PIGT: variants seen among roughly 807,000 people sequenced by gnomAD.
PIGT encodes the protein phosphatidylinositol glycan anchor biosynthesis class T, also known as GPI-anchor transamidase component PIGT.
PIGT carries 57 observed loss-of-function variants against 66.7 expected under a neutral mutation model. That is an observed-to-expected ratio of 0.86 (90% CI 0.69 to 1.07). The LOEUF is 1.07. Among genes scored for constraint, PIGT ranks in the 50% least tolerant of loss-of-function variants. The pLI, the probability that PIGT is intolerant of heterozygous loss-of-function variation, is 0.00. For missense variants in PIGT, 725 were observed against 740.4 expected, an observed-to-expected ratio of 0.98 and a Z score of 0.24; for synonymous variants, 362 against 320.5, an observed-to-expected ratio of 1.13 and a Z score of -1.38.
chr20:45,418,927 C>T lies in PIGT; in HGVS notation c.441C>T (p.Ser147=), dbSNP rs1472534179. ...IFCASLNFID[S]TNTVTPTASF... ...GCGCCTCTCTCAACTTCATCGACTC[C>T]ACCAACACAGTCACTCCCACTGCCT... is the stretch of plus-strand genomic sequence containing the variant. The change falls in exon 3 of 12, where the codon TCC becomes TCT. Residue 147 remains serine (S), a synonymous_variant. Coordinates refer to ENST00000279036, the MANE Select transcript of PIGT (RefSeq NM_015937.6). 1 of 1,613,996 alleles carries T rather than the reference C, an allele frequency of 6.2e-7. No homozygotes were observed. Among genetic ancestry groups the T allele is most frequent in the African/African-American group, 1.3e-5 (1 of 74,912 alleles).
rs1209583269 is a variant in PIGT at position 45,425,836 on chromosome 20, T to G, written c.*10T>G. 1 of 1,608,460 alleles carries G rather than the reference T, an allele frequency of 6.2e-7. No individual in the cohort carries two copies. The highest frequency in any genetic ancestry group is 1.1e-5 in the South Asian group (1 of 90,900). ...TGTCCCCCCACTCTGATTCTTGCCC[T>G]TTCCAGCAGCTGCAGCTGCCGTTTC... On this transcript the variant is annotated 3_prime_UTR_variant, in exon 12 of 12. Transcript: ENST00000279036.
At chr20:45,417,824 A>G (rs1990080601) in intron 2 of PIGT, 2 of 152,208 alleles carry the variant, frequency 1.3e-5, no homozygotes, top group African/African-American at 4.8e-5. Context: ...GGATTGGAGC[A>G]GTTGAAAAGC....
Position 45,416,690 on chromosome 20 carries a change from A to G in PIGT, c.361A>G (p.Thr121Ala), listed in dbSNP as rs1317530211. ...GTGGGTCTGGTTCCAAGACACTGTC[A>G]CTGAGTGAGTGCACACCTTGGGCCC... Reference protein sequence around the residue: ...ELWVWFQDTVTDVDKSWKELS... With the variant: ...ELWVWFQDTVADVDKSWKELS... The change falls in exon 2 of 12, where the codon ACT becomes GCT. Residue 121 changes from threonine to alanine, a missense_variant. Transcript: ENST00000279036. 1 of 1,612,316 alleles carries G rather than the reference A, an allele frequency of 6.2e-7. No homozygotes were observed. The highest frequency in any genetic ancestry group is 2.2e-5 in the East Asian group (1 of 44,864).
Position 45,419,355 on chromosome 20 carries a change from A to ACC in PIGT, c.555_556dup (p.Leu186ProfsTer21). On this transcript the variant is annotated frameshift_variant, in exon 4 of 12. Transcript: ENST00000279036. LOFTEE classifies it high-confidence loss of function. ...CCGCGGGAGGTGGTCTGCACCGAAAACCTCACCCCCTGGAAGAAGCTCTTG... is the reference window on the plus strand; with the variant it reads ...CCGCGGGAGGTGGTCTGCACCGAAAACCCCTCACCCCCTGGAAGAAGCTCTTG... The ACC allele has an allele frequency of 6.2e-7, 1 of 1,613,634 alleles. No homozygotes were observed. Among genetic ancestry groups the ACC allele is most frequent in the South Asian group, 1.1e-5 (1 of 91,042 alleles).
chr20:45,418,712 G>A (rs1360751835), intron 2 of PIGT, 140 bp from the exon 3 acceptor site: 1 of 1,053,500 alleles, frequency 9.5e-7, no homozygotes, highest in Non-Finnish European at 1.4e-6. Context: ...GGGCAGCAAT[G>A]TTCCAGCTCC....
chr20:45,417,875 G>A (rs1034539007), intron 2 of PIGT: 31 of 152,132 alleles, frequency 2.0e-4, no homozygotes, highest in African/African-American at 7.2e-4. Context: ...ACAACACTAA[G>A]GAATAAGGAA....
rs1990366229 is a variant in PIGT, at chr20:45,421,523, T to C, written c.1174T>C (p.Tyr392His). The change falls in exon 9 of 12, where the codon TAT becomes CAT. Residue 392 changes from tyrosine (Y) to histidine (H), a missense_variant. Physicochemically the swap from Tyr to His is moderately conservative, Grantham distance 83 (BLOSUM62 2). Coordinates refer to ENST00000279036, the MANE Select transcript of PIGT (RefSeq NM_015937.6). ...GCTGCTGCTGGACACCGTACCCTGGTATCTGCGGCTGTATGTGCACACCCT... is the reference window on the plus strand; with the variant it reads ...GCTGCTGCTGGACACCGTACCCTGGCATCTGCGGCTGTATGTGCACACCCT... ...PVLLLDTVPW[Y>H]LRLYVHTLTI... 6.2e-7 allele frequency: 1 copy of C among 1,614,004 alleles called. No homozygotes were observed. The highest frequency in any genetic ancestry group is 8.5e-7 in the Non-Finnish European group (1 of 1,180,010).
chr20:45,416,386 C>A, intron 1 of PIGT, 43 bp downstream of exon 1: 1 of 1,553,100 alleles, frequency 6.4e-7, no homozygotes. Context: ...TCCGTAGTGC[C>A]TGCTGGCTGG....
intron 8 of PIGT, 83 bp from the exon 9 acceptor site, chr20:45,421,300 A>G: frequency 8.2e-7 from 1 of 1,222,838 alleles, no homozygotes. Context: ...CTGGCTTGGG[A>G]CTCTGAACAT....
At position 45,424,490 on chromosome 20, in the gene PIGT, CT is replaced by C; in HGVS notation, c.1401-5del. 6.2e-7 allele frequency: 1 copy of C among 1,614,186 alleles called. No individual in the cohort carries two copies. ...GAACACGGGCCATCTCTCTGCTTCT[CT>C]GTAGCCCATCTGTCCTCAGCGCCCT... On this transcript the variant is annotated splice_polypyrimidine_tract_variant and splice_region_variant and intron_variant, in intron 10 of 11. Coordinates refer to ENST00000279036, the MANE Select transcript of PIGT (RefSeq NM_015937.6).
chr20:45,422,807 T>C (rs988270347), intron 9 of PIGT: 1 of 152,212 alleles, frequency 6.6e-6, no homozygotes, highest in Non-Finnish European at 1.5e-5. Context: ...TGTAACCGTA[T>C]CATTACCACT....
intron 5 of PIGT, chr20:45,419,894 C>T: frequency 1.7e-6 from 1 of 599,852 alleles, no homozygotes; most frequent in South Asian, 2.0e-5. Context: ...GTTTCCCACC[C>T]TGCCACATGA....
intron 5 of PIGT, 52 bp downstream of exon 5, chr20:45,419,642 C>T: frequency 8.1e-7 from 1 of 1,227,934 alleles, no homozygotes; most frequent in Non-Finnish European, 1.2e-6. Flanking sequence ...AGAGAAGGTA[C>T]ATGTAAAGCA....
intron 9 of PIGT, chr20:45,422,017 T>C (rs571771515): frequency 1.3e-5 from 2 of 152,302 alleles, no homozygotes; most frequent in African/African-American, 4.8e-5. Flanking sequence ...GTTAATTAAA[T>C]TTTTTTATTT....
chr20:45,417,449 G>A (rs963543343), intron 2 of PIGT: 1 of 152,194 alleles, frequency 6.6e-6, no homozygotes, highest in Non-Finnish European at 1.5e-5. Flanking sequence ...TCTATGGATT[G>A]TTGCCATGTG....
At chr20:45,421,697 AG>A in intron 9 of PIGT, 114 bp downstream of exon 9, 4 of 791,778 alleles carry the variant, frequency 5.1e-6, no homozygotes. Context: ...AAAGCTACAC[AG>A]GCATAAAGAG....
In PIGT at chr20:45,419,324, G is replaced by C. The variant is rs746773101; in HGVS notation, c.523G>C (p.Val175Leu). ...TGACCACTACTTTCTGCGCTATGCT[G>C]TGCTGCCGCGGGAGGTGGTCTGCAC... ...DTDHYFLRYA[V>L]LPREVVCTEN... Residue 175 changes from valine to leucine, a missense_variant, in exon 4 of 12, where the codon GTG becomes CTG. By Grantham distance (32) the Val-to-Leu change is conservative (BLOSUM62 1). This residue lies in a region of PIGT where 559 missense variants were observed against 552.7 expected (regional missense o/e 1.01). Transcript: ENST00000279036. The C allele has an allele frequency of 6.2e-7, 1 of 1,614,144 alleles. No individual in the cohort carries two copies. Among genetic ancestry groups the C allele is most frequent in the Non-Finnish European group, 8.5e-7 (1 of 1,180,004 alleles).
rs772589853 is a variant in PIGT, at chr20:45,421,481, T to C, written c.1132T>C (p.Tyr378His). The C allele has an allele frequency of 6.2e-7, 1 of 1,614,156 alleles. No individual in the cohort carries two copies. Among genetic ancestry groups the C allele is most frequent in the South Asian group, 1.1e-5 (1 of 91,090 alleles). ...CACACTGCTGTACAACACCCACCCA[T>C]ACCGGGCCTTCCCGGTGCTGCTGCT... is the stretch of plus-strand genomic sequence containing the variant. Reference protein sequence around the residue: ...LSTLLYNTHPYRAFPVLLLDT... With the variant: ...LSTLLYNTHPHRAFPVLLLDT... The change falls in exon 9 of 12, where the codon TAC becomes CAC. Residue 378 changes from tyrosine (Y) to histidine (H), a missense_variant. By Grantham distance (83) the Tyr-to-His change is moderately conservative. Coordinates refer to ENST00000279036, the MANE Select transcript of PIGT (RefSeq NM_015937.6).
intron 11 of PIGT, chr20:45,425,135 TTCTTTC>T (rs1300666240): frequency 7.1e-6 from 1 of 140,546 alleles, no homozygotes; most frequent in Non-Finnish European, 1.5e-5. Flanking sequence ...CTCTCTTTCT[TTCTTTC>T]TCTTTCTTTC....
Sources: gnomAD v4.1 joint callset for allele counts on GRCh38, gnomAD v4.1.1 for gene constraint, gnomAD v4.1.1 regional missense constraint, MANE v1.5 for transcripts, NCBI Gene and HGNC (gene_info 2026-07-23, HGNC 2026-07-21) for gene names.